The following SLC16A7 variants were observed in gnomAD, a reference collection of about 807,000 sequenced individuals.
SLC16A7 encodes the protein solute carrier family 16 member 7.
SLC16A7 carries 33 observed loss-of-function variants against 34.9 expected under a neutral mutation model. The observed-to-expected ratio is 0.94, with a 90% CI of 0.72 to 1.26. The LOEUF (loss-of-function observed/expected upper bound fraction) is 1.26, where lower values mean the gene tolerates loss of function less well. SLC16A7 is among the 50% of genes most tolerant of loss of function. The pLI is 0.00. For missense variants in SLC16A7, 573 were observed against 578.1 expected, an observed-to-expected ratio of 0.99 and a Z score of 0.09; for synonymous variants, 201 against 206.6, an observed-to-expected ratio of 0.97 and a Z score of 0.23.
chr12:59,604,436 T>G (rs1878837055), intron 1 of SLC16A7, among the ~76,000 whole-genome samples: 1 of 152,238 alleles, frequency 6.6e-6, no homozygotes, highest in Admixed American at 6.5e-5. Flanking sequence ...TACTCTTTTA[T>G]AGATTAATGC....
At position 59,786,824 on chromosome 12, in the gene SLC16A7, G is replaced by A. The variant is rs578101881; in HGVS notation, c.*7145G>A. On this transcript the variant is annotated 3_prime_UTR_variant, in exon 6 of 6. Transcript: ENST00000547379. ...TTTTCTCCATTGCACTACAGAAGCCGTAAGGTCATAATGATGATCTTTGTA... is the reference window on the plus strand; with the variant it reads ...TTTTCTCCATTGCACTACAGAAGCCATAAGGTCATAATGATGATCTTTGTA... 27 of 152,142 alleles carry A rather than the reference G, an allele frequency of 1.8e-4. No homozygotes were observed. The highest frequency in any genetic ancestry group is 3.9e-4 in the Admixed American group (6 of 15,266). The allele number at this position is 152,142 out of a possible 1,614,324, so 9.4% of individuals were successfully genotyped here.
chr12:59,763,335 A>G (rs1881218574), intron 3 of SLC16A7, among the ~76,000 whole-genome samples: 1 of 152,072 alleles, frequency 6.6e-6, no homozygotes, highest in Non-Finnish European at 1.5e-5. Flanking sequence ...TTTTATTTTC[A>G]GTATTAGTCA....
At chr12:59,654,367 A>C (rs1406096415) in intron 1 of SLC16A7, among the ~76,000 whole-genome samples, 1 of 151,678 alleles carries the variant, frequency 6.6e-6, no homozygotes, top group African/African-American at 2.4e-5. Flanking sequence ...CAAACACTAT[A>C]TGTATTGATA....
intron 1 of SLC16A7, among the ~76,000 whole-genome samples, chr12:59,617,255 C>A (rs1879494911): frequency 6.6e-6 from 1 of 151,908 alleles, no homozygotes; most frequent in Non-Finnish European, 1.5e-5. Flanking sequence ...TAAATATATG[C>A]ACCCTTCTCA....
intron 3 of SLC16A7, among the ~76,000 whole-genome samples, chr12:59,745,415 A>T (rs566204011): frequency 7.9e-4 from 121 of 152,300 alleles, no homozygotes; most frequent in African/African-American, 2.9e-3. Context: ...GATAATGACA[A>T]TGGGGATGAT....
chr12:59,773,013 A>G (rs1388924292), intron 4 of SLC16A7, among the ~76,000 whole-genome samples: 1 of 152,058 alleles, frequency 6.6e-6, no homozygotes, highest in Non-Finnish European at 1.5e-5. Context: ...AATGAGAAAG[A>G]GATGGCAACT....
chr12:59,760,543 G>C (rs1220850775), intron 3 of SLC16A7, among the ~76,000 whole-genome samples: 1 of 151,966 alleles, frequency 6.6e-6, no homozygotes, highest in African/African-American at 2.4e-5. Context: ...TCATAAAAAA[G>C]AACAATAATA....
intron 3 of SLC16A7, among the ~76,000 whole-genome samples, chr12:59,738,171 A>G (rs1186949367): frequency 6.6e-6 from 1 of 152,186 alleles, no homozygotes; most frequent in Non-Finnish European, 1.5e-5. Context: ...CACGTATACC[A>G]CATTGGATTT....
At chr12:59,743,719 T>C (rs1460435540) in intron 3 of SLC16A7, among the ~76,000 whole-genome samples, 2 of 152,224 alleles carry the variant, frequency 1.3e-5, no homozygotes, top group Non-Finnish European at 2.9e-5. Flanking sequence ...AATTGATACA[T>C]AAATTTTCCA....
intron 3 of SLC16A7, among the ~76,000 whole-genome samples, chr12:59,764,526 C>G (rs1351183100): frequency 3.5e-5 from 5 of 141,446 alleles, no homozygotes; most frequent in Non-Finnish European, 6.1e-5. Flanking sequence ...TGTTCCCCTT[C>G]CTGTGTCCAT....
intron 3 of SLC16A7, among the ~76,000 whole-genome samples, chr12:59,744,920 A>C (rs971993144): frequency 1.3e-5 from 2 of 152,150 alleles, no homozygotes; most frequent in African/African-American, 2.4e-5. Flanking sequence ...GCCAGTGCTG[A>C]AGTGGCCGGC....
rs1211966208 is a variant in SLC16A7 at position 59,784,056 on chromosome 12, A to T, written c.*4377A>T. ...AAATAATGATAATTATTACATATAG[A>T]CATAATTACTTCAATATGACTCTTT... On this transcript the variant is annotated 3_prime_UTR_variant, in exon 6 of 6. Transcript: ENST00000547379. 1.3e-5 allele frequency: 2 copies of T among 152,208 alleles called. No homozygotes were observed. Among genetic ancestry groups the T allele is most frequent in the Non-Finnish European group, 2.9e-5 (2 of 68,042 alleles). 9.4% of individuals were successfully genotyped at this position (152,208 alleles called of 1,614,324 possible).
At chr12:59,616,383 A>G (rs1456955446) in intron 1 of SLC16A7, among the ~76,000 whole-genome samples, 1 of 152,174 alleles carries the variant, frequency 6.6e-6, no homozygotes, top group East Asian at 1.9e-4. Flanking sequence ...TTTGTCATGC[A>G]ATATTCTGGG....
intron 2 of SLC16A7, among the ~76,000 whole-genome samples, chr12:59,671,344 A>C (rs192141156): frequency 3.0e-4 from 45 of 152,146 alleles, no homozygotes; most frequent in African/African-American, 1.1e-3. Flanking sequence ...CCATTCTATG[A>C]ATATGTATAC....
intron 3 of SLC16A7, among the ~76,000 whole-genome samples, chr12:59,758,715 T>C (rs940225305): frequency 1.3e-5 from 2 of 152,118 alleles, no homozygotes; most frequent in Non-Finnish European, 1.5e-5. Context: ...ATTTAACAAA[T>C]TTCTTAACTA....
At chr12:59,716,247 C>G (rs75693952) in intron 3 of SLC16A7, among the ~76,000 whole-genome samples, 1 of 152,066 alleles carries the variant, frequency 6.6e-6, no homozygotes, top group Non-Finnish European at 1.5e-5. Flanking sequence ...ATTGGATTAG[C>G]GGCAGCCTGT....
intron 1 of SLC16A7, among the ~76,000 whole-genome samples, chr12:59,597,659 A>T (rs1878485546): frequency 6.6e-6 from 1 of 152,176 alleles, no homozygotes; most frequent in Non-Finnish European, 1.5e-5. Context: ...AGTGACTAAT[A>T]TTTAGCTCTG....
rs113858435 is a variant in SLC16A7 at position 59,783,710 on chromosome 12, G to A, written c.*4031G>A. ...CTTGTCGCCCAGGCTGGCGTGCAGT[G>A]GCACAATCTCGGCTTACTACAACCT... On this transcript the variant is annotated 3_prime_UTR_variant, in exon 6 of 6. Coordinates refer to ENST00000547379, the MANE Select transcript of SLC16A7 (RefSeq NM_001270623.2). The A allele has an allele frequency of 1.3e-4, 19 of 150,040 alleles. No homozygotes were observed. Among genetic ancestry groups the A allele is most frequent in the African/African-American group, 4.7e-4 (19 of 40,624 alleles). 9.3% of individuals were successfully genotyped at this position (150,040 alleles called of 1,614,324 possible). A position where few individuals can be genotyped will look rare whatever the true frequency, so the allele number is the denominator to read the frequency against.
rs1565640842 is a variant in SLC16A7 at position 59,671,919 on chromosome 12, ATGTATATATCCATATATGTATATATG to A, written c.-31+16679_-31+16704del. On this transcript the variant is annotated intron_variant, in intron 2 of 5. Transcript: ENST00000547379. ...TATGTATATATACATATATGTATAT[ATGTATATATCCATATATGTATATATG>A]TGTATATATGTATATATGTGTATAT... Among the ~76,000 whole-genome samples, 68 of 85,792 alleles carry A rather than the reference ATGTATATATCCATATATGTATATATG, an allele frequency of 7.9e-4. 1 individual carries two copies. The highest frequency in any genetic ancestry group is 3.3e-3 in the African/African-American group (64 of 19,280). 56.3% of individuals were successfully genotyped at this position (85,792 alleles called of 152,430 possible).
Sources: gnomAD v4.1 joint callset for allele counts (sites outside exome capture counted in the v4.1 genomes callset) on GRCh38, gnomAD v4.1.1 for gene constraint, MANE v1.5 for transcripts, NCBI Gene and HGNC (gene_info 2026-07-23, HGNC 2026-07-21) for gene names.